The following NLGN4X variants were observed in gnomAD, a reference collection of about 807,000 sequenced individuals.
NLGN4X encodes neuroligin-4, X-linked.
In NLGN4X, 3 loss-of-function variants were observed where a neutral mutation model predicts 40.3. That is an observed-to-expected ratio of 0.07 (90% confidence interval 0.03 to 0.19). The LOEUF (loss-of-function observed/expected upper bound fraction) is 0.19, where lower values mean the gene tolerates loss of function less well. NLGN4X is among the 10% of genes least tolerant of loss of function. NLGN4X has a pLI of 1.00. For synonymous variants in NLGN4X, 270 were observed against 306.8 expected (o/e 0.88, Z 1.25); for missense variants, 382 against 708.3 (o/e 0.54, Z 5.23).
chrX:6,201,925 A>C (rs1923653493), intron 1 of NLGN4X, among the ~76,000 whole-genome samples: 1 of 111,608 alleles, frequency 9.0e-6, no homozygotes, highest in Non-Finnish European at 1.9e-5. Flanking sequence ...ATGCAAAGCT[A>C]CATAGGACAG....
chrX:6,054,606 C>A (rs934605740), intron 2 of NLGN4X, among the ~76,000 whole-genome samples: 5 of 110,884 alleles, frequency 4.5e-5, no homozygotes, highest in African/African-American at 9.9e-5. Flanking sequence ...CAGAGCAAGA[C>A]CCTGTCTCTA....
intron 2 of NLGN4X, among the ~76,000 whole-genome samples, chrX:6,057,814 T>A (rs2037670316): frequency 1.8e-5 from 2 of 111,458 alleles, no homozygotes; most frequent in Admixed American, 9.6e-5. Context: ...AAGCCCTTGC[T>A]CCCAAATTAG....
chrX:6,186,439 A>G (rs781134676), intron 1 of NLGN4X, among the ~76,000 whole-genome samples: 4 of 112,535 alleles, frequency 3.6e-5, no homozygotes, highest in Non-Finnish European at 7.5e-5. Context: ...ATCAAACATT[A>G]GCTTATGTAT....
intron 2 of NLGN4X, among the ~76,000 whole-genome samples, chrX:6,079,516 T>G (rs993395475): frequency 8.9e-6 from 1 of 112,197 alleles, no homozygotes; most frequent in Non-Finnish European, 1.9e-5. Flanking sequence ...TAAGACCACC[T>G]TCCCTATTTT....
chrX:5,936,598 A>G (rs1287345191), intron 3 of NLGN4X, among the ~76,000 whole-genome samples: 28 of 111,942 alleles, frequency 2.5e-4, no homozygotes, highest in African/African-American at 9.1e-4. Context: ...GAAAGTTCCC[A>G]GCTACGTCCC....
At chrX:5,946,186 G>T (rs1022165739) in intron 3 of NLGN4X, among the ~76,000 whole-genome samples, 3 of 111,212 alleles carry the variant, frequency 2.7e-5, no homozygotes, top group Non-Finnish European at 5.7e-5. Flanking sequence ...TCCTCTAGAT[G>T]CAAGTGATAC....
intron 1 of NLGN4X, among the ~76,000 whole-genome samples, chrX:6,228,264 C>T (rs1386303994): frequency 9.0e-6 from 1 of 111,448 alleles, no homozygotes; most frequent in Non-Finnish European, 1.9e-5. Context: ...GAAAATAAAA[C>T]CAAATATTTC....
intron 2 of NLGN4X, among the ~76,000 whole-genome samples, chrX:6,124,232 A>G (rs61004203): frequency 0.058 from 6,460 of 111,299 alleles, 170 homozygotes; most frequent in East Asian, 0.17. Context: ...TAAAAGGTAT[A>G]TAAGTACATT....
At chrX:5,981,380 A>G (rs149286679) in intron 3 of NLGN4X, among the ~76,000 whole-genome samples, 2,230 of 108,753 alleles carry the variant, frequency 0.021, 58 homozygotes, top group African/African-American at 0.071. Flanking sequence ...TTTAATTCCC[A>G]CTTCACCAAG....
intron 3 of NLGN4X, among the ~76,000 whole-genome samples, chrX:5,978,964 C>G (rs942500550): frequency 9.0e-6 from 1 of 110,774 alleles, no homozygotes; most frequent in Non-Finnish European, 1.9e-5. Flanking sequence ...GAGTGAGACT[C>G]TGTTTAAAAT....
intron 3 of NLGN4X, among the ~76,000 whole-genome samples, chrX:6,006,102 G>A (rs904933887): frequency 9.0e-6 from 1 of 111,112 alleles, no homozygotes; most frequent in Non-Finnish European, 1.9e-5. Flanking sequence ...CCTCAGAGGG[G>A]AAAGGGGAAG....
chrX:6,082,509 C>A (rs1158329785), intron 2 of NLGN4X, among the ~76,000 whole-genome samples: 1 of 110,825 alleles, frequency 9.0e-6, no homozygotes, highest in Non-Finnish European at 1.9e-5. Flanking sequence ...CCACTGCAAT[C>A]CAGCCTGGGT....
chrX:6,144,333 C>T (rs2040005340), intron 2 of NLGN4X, among the ~76,000 whole-genome samples: 1 of 111,047 alleles, frequency 9.0e-6, no homozygotes, highest in South Asian at 3.9e-4. Context: ...AGACTCTGAA[C>T]TTTTGTTTTC....
At chrX:5,898,645 A>G (rs1238508971) in intron 5 of NLGN4X, among the ~76,000 whole-genome samples, 1 of 110,789 alleles carries the variant, frequency 9.0e-6, no homozygotes, top group African/African-American at 3.3e-5. Context: ...GCACAATGCG[A>G]TCCTTTCTCC....
intron 3 of NLGN4X, among the ~76,000 whole-genome samples, chrX:5,933,729 TAAAACAAGATGGCA>T (rs1188126220): frequency 9.0e-6 from 1 of 111,296 alleles, no homozygotes; most frequent in Non-Finnish European, 1.9e-5. Flanking sequence ...ATTGAACATA[TAAAACAAGATGGCA>T]GAAATAAGCA....
chrX:5,991,169 C>T (rs905812664), intron 3 of NLGN4X, among the ~76,000 whole-genome samples: 2 of 111,175 alleles, frequency 1.8e-5, no homozygotes, highest in Admixed American at 1.9e-4. Flanking sequence ...CCGCCTTCTC[C>T]CTGTGAGATT....
chrX:6,157,264 A>G (rs2040289866), intron 1 of NLGN4X, among the ~76,000 whole-genome samples: 1 of 112,052 alleles, frequency 8.9e-6, no homozygotes, highest in Non-Finnish European at 1.9e-5. Context: ...ATGAGCCATA[A>G]TTGTAGAAAC....
intron 2 of NLGN4X, among the ~76,000 whole-genome samples, chrX:6,046,296 T>C (rs1014585313): frequency 1.8e-5 from 2 of 111,605 alleles, no homozygotes; most frequent in African/African-American, 6.5e-5. Context: ...CATTATATAT[T>C]GATGATTTGA....
rs766618822 is a variant in NLGN4X at position 6,151,063 on chromosome X, A to G, written c.404T>C (p.Leu135Ser). 1.5e-5 allele frequency: 18 copies of G among 1,210,332 alleles called. No individual in the cohort carries two copies. In the South Asian group the frequency reaches 1.6e-4, roughly 11 times the overall value. ...ATTTTGATCTTGAACATAGGTCATC[A>G]AAGTATCCAAATTGGCGGTAAACCA... ...PIWFTANLDT[L>S]MTYVQDQNED... Residue 135 changes from leucine to serine, a missense_variant, in exon 2 of 6, where the codon TTG (leucine) becomes TCG (serine). Leu to Ser is a moderately radical substitution (Grantham distance 145). Transcript: ENST00000381095.
Sources: gnomAD v4.1 joint callset for allele counts (sites outside exome capture counted in the v4.1 genomes callset) on GRCh38, gnomAD v4.1.1 for gene constraint, MANE v1.5 for transcripts, NCBI Gene and HGNC (gene_info 2026-07-23, HGNC 2026-07-21) for gene names.